G2E3: variants seen among roughly 807,000 people sequenced by gnomAD.
The protein encoded by G2E3 is G2/M phase-specific E3 ubiquitin-protein ligase.
In G2E3, 35 loss-of-function variants were observed where a neutral mutation model predicts 92.8. The ratio of observed to expected loss-of-function variants is 0.38; its 90% CI spans 0.29 to 0.50. The LOEUF (loss-of-function observed/expected upper bound fraction) is 0.50. Ranked by LOEUF, G2E3 falls within the 20% of genes least tolerant of loss-of-function variation. G2E3 has a pLI of 0.94. For missense variants in G2E3, 554 were observed against 823.8 expected, an observed-to-expected ratio of 0.67 and a Z score of 4.01; for synonymous variants, 242 against 272.4, an observed-to-expected ratio of 0.89 and a Z score of 1.10.
At chr14:30,585,701 C>G in intron 2 of G2E3, among the ~76,000 whole-genome samples, 1 of 146,644 alleles carries the variant, frequency 6.8e-6, no homozygotes, top group Non-Finnish European at 1.5e-5. Flanking sequence ...TTGATTATAT[C>G]TACTCTAATC....
intron 1 of G2E3, among the ~76,000 whole-genome samples, chr14:30,568,969 TC>T (rs1298566637): frequency 6.6e-6 from 1 of 152,182 alleles, no homozygotes; most frequent in African/African-American, 2.4e-5. Flanking sequence ...ACTAAAAGTT[TC>T]CCTTTCACCC....
rs373867607 is a variant in G2E3 at position 30,586,830 on chromosome 14, TAATTA to T, written c.135+20_135+24del. The stretch of plus-strand genomic sequence containing the variant: ...ACTACTGTTTGGTGAGTATAATTTA[TAATTA>T]AATTCTAGAAATTTGGTGTTCTAAA... On this transcript the variant is annotated intron_variant, in intron 3 of 14. Transcript: ENST00000206595. 4.4e-4 allele frequency: 383 copies of T among 869,710 alleles called. 1 individual carries two copies. In the African/African-American group the frequency reaches 5.9e-3, roughly 13 times the overall value. 53.9% of individuals were successfully genotyped at this position (869,710 alleles called of 1,614,324 possible). A position where few individuals can be genotyped will look rare whatever the true frequency, so the allele number is the denominator to read the frequency against.
At position 30,600,526 on chromosome 14, in the gene G2E3, A is replaced by C. The variant is rs74649757; in HGVS notation, c.753-1244A>C. On this transcript the variant is annotated intron_variant, in intron 8 of 14. Coordinates refer to ENST00000206595, the MANE Select transcript of G2E3 (RefSeq NM_017769.5). ...GCACAGATGAAATAATGTATATAGA[A>C]TTTTAAGAAGCAATACATTCATAAT... Among the ~76,000 whole-genome samples, 394 of 152,292 alleles carry C rather than the reference A, an allele frequency of 2.6e-3. 2 individuals are homozygous for C. The highest frequency in any genetic ancestry group is 8.8e-3 in the African/African-American group (365 of 41,556).
At chr14:30,596,759 G>C (rs766552274) in intron 6 of G2E3, among the ~76,000 whole-genome samples, 5 of 152,064 alleles carry the variant, frequency 3.3e-5, no homozygotes, top group Non-Finnish European at 7.4e-5. Flanking sequence ...ATGTTTTTTG[G>C]TACATAATAC....
At chr14:30,565,622 C>T (rs1384275690) in intron 1 of G2E3, among the ~76,000 whole-genome samples, 2 of 113,544 alleles carry the variant, frequency 1.8e-5, no homozygotes, top group African/African-American at 6.7e-5. Context: ...TTTTTTAATG[C>T]GTGTGAGGTA....
At chr14:30,578,442 T>G (rs1243434153) in intron 1 of G2E3, among the ~76,000 whole-genome samples, 1 of 152,208 alleles carries the variant, frequency 6.6e-6, no homozygotes, top group Non-Finnish European at 1.5e-5. Flanking sequence ...AGTAGTCTGA[T>G]AAAATTAAGT....
rs1329247093 is a variant in G2E3, at chr14:30,618,972, C to G, written c.*2438C>G. 1 of 151,968 alleles carries G rather than the reference C, an allele frequency of 6.6e-6. No individual in the cohort carries two copies. Among genetic ancestry groups the G allele is most frequent in the Non-Finnish European group, 1.5e-5 (1 of 67,896 alleles). 9.4% of individuals were successfully genotyped at this position (151,968 alleles called of 1,614,324 possible). A position where few individuals can be genotyped will look rare whatever the true frequency, so the allele number is the denominator to read the frequency against. Reference sequence around the variant, plus strand: ...TATTTTAAGGCTGTTTTCTCTTGCTCTTAATGTTGAGGAAAACTATAAATT... The same window carrying G: ...TATTTTAAGGCTGTTTTCTCTTGCTGTTAATGTTGAGGAAAACTATAAATT... On this transcript the variant is annotated 3_prime_UTR_variant, in exon 15 of 15. Transcript: ENST00000206595.
intron 1 of G2E3, among the ~76,000 whole-genome samples, chr14:30,580,176 G>T (rs1351709074): frequency 6.6e-6 from 1 of 152,076 alleles, no homozygotes; most frequent in Middle Eastern, 3.2e-3. Flanking sequence ...CACAAATACG[G>T]TATAGACTAA....
chr14:30,609,876 C>G (rs1882007448), intron 12 of G2E3, among the ~76,000 whole-genome samples: 1 of 152,138 alleles, frequency 6.6e-6, no homozygotes, highest in Non-Finnish European at 1.5e-5. Context: ...CTAAGACTGA[C>G]TTATTGTCAA....
At chr14:30,603,669 CTG>C (rs1881688094) in intron 10 of G2E3, among the ~76,000 whole-genome samples, 1 of 152,062 alleles carries the variant, frequency 6.6e-6, no homozygotes, top group African/African-American at 2.4e-5. Flanking sequence ...TTACGAAACT[CTG>C]TCTCAACAAA....
chr14:30,590,883 G>A (rs1880972853), intron 4 of G2E3: 1 of 298,302 alleles, frequency 3.4e-6, no homozygotes, highest in South Asian at 3.0e-5. Flanking sequence ...TATCCAAAAT[G>A]CTTGGAACCA....
chr14:30,602,353 G>A (rs978298051), intron 10 of G2E3, among the ~76,000 whole-genome samples: 1 of 46,326 alleles, frequency 2.2e-5, no homozygotes, highest in Non-Finnish European at 3.2e-5. Flanking sequence ...TGCATCATAC[G>A]TGGGAAAAGT....
rs147207412 is a variant in G2E3 at position 30,565,912 on chromosome 14, C to T, written c.-5+6640C>T. ...CTCCTGACCTCATGATCTGTCGCCT[C>T]GGCCTCCCAAAGTGCTGGATTACAG... On this transcript the variant is annotated intron_variant, in intron 1 of 14. Coordinates refer to ENST00000206595, the MANE Select transcript of G2E3 (RefSeq NM_017769.5). Among the ~76,000 whole-genome samples, 138 of 152,060 alleles carry T rather than the reference C, an allele frequency of 9.1e-4. 2 individuals carry two copies. The East Asian group carries it at 0.022, about 24-fold the overall frequency.
intron 1 of G2E3, among the ~76,000 whole-genome samples, chr14:30,571,696 C>T (rs1191879706): frequency 6.6e-6 from 1 of 151,894 alleles, no homozygotes; most frequent in East Asian, 1.9e-4. Context: ...CAGTGAATTA[C>T]CTTGGTATCT....
intron 4 of G2E3, among the ~76,000 whole-genome samples, chr14:30,589,699 T>A (rs1336606273): frequency 6.6e-6 from 1 of 152,086 alleles, no homozygotes; most frequent in East Asian, 1.9e-4. Context: ...GTGACAATAC[T>A]GACTTCACTT....
chr14:30,597,670 C>A, intron 7 of G2E3, 144 bp downstream of exon 7: 1 of 608,318 alleles, frequency 1.6e-6, no homozygotes, highest in Non-Finnish European at 3.0e-6. Flanking sequence ...TTCTCCTCCC[C>A]CACATGGCCA....
At chr14:30,564,856 T>C (rs777667174) in intron 1 of G2E3, among the ~76,000 whole-genome samples, 1 of 152,248 alleles carries the variant, frequency 6.6e-6, no homozygotes, top group Admixed American at 6.5e-5. Flanking sequence ...TGTATATCCA[T>C]TCATCAATTG....
chr14:30,580,314 C>T (rs1347806420), intron 1 of G2E3, among the ~76,000 whole-genome samples: 5 of 152,152 alleles, frequency 3.3e-5, no homozygotes, highest in Non-Finnish European at 5.9e-5. Context: ...TCAAGCAATT[C>T]TCTTGCCTCA....
rs140390861 is a variant in G2E3, at chr14:30,592,298, C to A, written c.238-25C>A. ...AATACTCAGATTTTTTATGTTGTGACCCCTATTTTCACATACTCTTCTAGA... is the reference window on the plus strand; with the variant it reads ...AATACTCAGATTTTTTATGTTGTGAACCCTATTTTCACATACTCTTCTAGA... On this transcript the variant is annotated intron_variant, in intron 4 of 14. Coordinates refer to ENST00000206595, the MANE Select transcript of G2E3 (RefSeq NM_017769.5). The A allele has an allele frequency of 1.5e-3, 2,332 of 1,604,010 alleles. 7 individuals carry two copies. The highest frequency in any genetic ancestry group is 0.011 in the Middle Eastern group (68 of 6,032).
Sources: gnomAD v4.1 joint callset for allele counts (sites outside exome capture counted in the v4.1 genomes callset) on GRCh38, gnomAD v4.1.1 for gene constraint, MANE v1.5 for transcripts, NCBI Gene and HGNC (gene_info 2026-07-23, HGNC 2026-07-21) for gene names.